The following ZNF875 variants were observed in gnomAD, a reference collection of about 807,000 sequenced individuals.
ZNF875 encodes zinc finger protein 875.
In ZNF875, 14 loss-of-function variants were observed where a neutral mutation model predicts 11.2. That is an observed-to-expected ratio of 1.26 (90% CI 0.83 to 1.96). The LOEUF (loss-of-function observed/expected upper bound fraction) is 1.96. Ranked by LOEUF, ZNF875 falls within the 30% of genes most tolerant of loss-of-function variation. The pLI is 0.00. For missense variants in ZNF875, 752 were observed against 760.4 expected, an observed-to-expected ratio of 0.99 and a Z score of 0.13; for synonymous variants, 301 against 281.1, an observed-to-expected ratio of 1.07 and a Z score of -0.71.
intron 1 of ZNF875, among the ~76,000 whole-genome samples, chr19:37,319,601 C>T (rs1599849166): frequency 1.3e-5 from 2 of 151,950 alleles, no homozygotes; most frequent in East Asian, 1.9e-4. Flanking sequence ...TAAAATTAAG[C>T]TATGTTTTTG....
chr19:37,330,841 C>T (rs2033258345), upstream of ZNF875, among the ~76,000 whole-genome samples: 1 of 152,102 alleles, frequency 6.6e-6, no homozygotes, highest in African/African-American at 2.4e-5. Flanking sequence ...CTTTTGTGAT[C>T]ATTGTTACTT....
chr19:37,350,277 CT>C (rs2146348645), intron 4 of ZNF875, among the ~76,000 whole-genome samples: 1 of 151,544 alleles, frequency 6.6e-6, no homozygotes, highest in South Asian at 2.1e-4. Context: ...GCCCGGCTAA[CT>C]TTTTTGTATT....
At chr19:37,338,435 C>G (rs918939056) in intron 2 of ZNF875, among the ~76,000 whole-genome samples, 2 of 152,134 alleles carry the variant, frequency 1.3e-5, no homozygotes, top group Non-Finnish European at 2.9e-5. Context: ...TTTGTGTGTA[C>G]TTTCTTCACC....
intron 2 of ZNF875, among the ~76,000 whole-genome samples, chr19:37,341,061 G>C (rs997009944): frequency 6.6e-6 from 1 of 152,134 alleles, no homozygotes; most frequent in African/African-American, 2.4e-5. Context: ...ATGAATTCAT[G>C]CCCAGGAGTG....
At chr19:37,359,262 C>G (rs946016515) in intron 4 of ZNF875, among the ~76,000 whole-genome samples, 2 of 152,170 alleles carry the variant, frequency 1.3e-5, no homozygotes, top group Non-Finnish European at 2.9e-5. Flanking sequence ...CACCTCTATT[C>G]AACATTTCTG....
intron 1 of ZNF875, among the ~76,000 whole-genome samples, chr19:37,320,143 G>A (rs2031111439): frequency 6.6e-6 from 1 of 152,156 alleles, no homozygotes; most frequent in Non-Finnish European, 1.5e-5. Context: ...CCAAAGTGCT[G>A]GGATTACAAG....
At chr19:37,351,082 G>A (rs1009185854) in intron 4 of ZNF875, among the ~76,000 whole-genome samples, 2 of 152,004 alleles carry the variant, frequency 1.3e-5, no homozygotes, top group Non-Finnish European at 2.9e-5. Context: ...GGGATTACAG[G>A]CGTGAACCAC....
At chr19:37,340,774 G>A (rs1229941835) in intron 2 of ZNF875, among the ~76,000 whole-genome samples, 1 of 147,968 alleles carries the variant, frequency 6.8e-6, no homozygotes, top group African/African-American at 2.5e-5. Flanking sequence ...TCAGCCTCCC[G>A]AGTAGCTGGG....
upstream of ZNF875, chr19:37,315,304 T>A (rs2030134260): frequency 6.6e-6 from 1 of 152,222 alleles, no homozygotes; most frequent in Non-Finnish European, 1.5e-5. Flanking sequence ...TGATTTCAAA[T>A]AGAGGAAAAA....
chr19:37,329,317 T>G (rs2033022293), intron 4 of ZNF875, among the ~76,000 whole-genome samples: 1 of 152,188 alleles, frequency 6.6e-6, no homozygotes, highest in Non-Finnish European at 1.5e-5. Flanking sequence ...TCCATGTTTT[T>G]GACATTCTGG....
In ZNF875 at chr19:37,362,699, G is replaced by C. The variant is rs554059074; in HGVS notation, c.847G>C (p.Val283Leu). The change falls in exon 5 of 5, where the codon GTG (valine) becomes CTG (leucine). Residue 283 changes from valine to leucine, a missense_variant. Coordinates refer to ENST00000392153, the MANE Select transcript of ZNF875 (RefSeq NM_001353803.2). ...PRTHSGGKPY[V>L]CRECGRGFTW... ...GACACACTCTGGGGGAAAGCCTTATGTGTGCAGGGAATGTGGGCGAGGCTT... is the reference window on the plus strand; with the variant it reads ...GACACACTCTGGGGGAAAGCCTTATCTGTGCAGGGAATGTGGGCGAGGCTT... The C allele has an allele frequency of 6.2e-7, 1 of 1,613,568 alleles. No individual in the cohort carries two copies. The highest frequency in any genetic ancestry group is 1.7e-5 in the Admixed American group (1 of 59,978).
chr19:37,350,410 A>G (rs558839362), intron 4 of ZNF875, among the ~76,000 whole-genome samples: 2 of 152,162 alleles, frequency 1.3e-5, no homozygotes, highest in African/African-American at 2.4e-5. Context: ...CTATTTAAAC[A>G]AACTGTGAAA....
intron 4 of ZNF875, chr19:37,328,545 C>T (rs1328967371): frequency 6.6e-6 from 1 of 152,206 alleles, no homozygotes; most frequent in African/African-American, 2.4e-5. Context: ...CTCCCTCTCA[C>T]ATGTGGTCAC....
intron 2 of ZNF875, among the ~76,000 whole-genome samples, chr19:37,336,539 TCCAC>T (rs1200287547): frequency 6.7e-6 from 1 of 150,366 alleles, no homozygotes. Flanking sequence ...GACCTCATGA[TCCAC>T]CCACCTCGGC....
At position 37,347,270 on chromosome 19, in the gene ZNF875, G is replaced by A. The variant is rs1361822332; in HGVS notation, c.114G>A (p.Leu38=). 4 of 1,614,094 alleles carry A rather than the reference G, an allele frequency of 2.5e-6. No individual in the cohort carries two copies. The highest frequency in any genetic ancestry group is 3.4e-6 in the Non-Finnish European group (4 of 1,179,962). ...TGTTGAGCCCTGCTCAGAGGACCCT[G>A]CACAGGGAGGTGATGCTGGAGACTT... ...WRLLSPAQRT[L]HREVMLETYN... The change falls in exon 3 of 5, where the codon CTG becomes CTA. Residue 38 remains leucine (L), a synonymous_variant. Transcript: ENST00000392153.
chr19:37,353,242 A>G (rs2038264835), intron 4 of ZNF875, among the ~76,000 whole-genome samples: 1 of 152,156 alleles, frequency 6.6e-6, no homozygotes, highest in South Asian at 2.1e-4. Flanking sequence ...TGTGTTCATG[A>G]CTTTTCCAGG....
chr19:37,331,186 CAAA>C (rs71177440), upstream of ZNF875, among the ~76,000 whole-genome samples: 10 of 74,778 alleles, frequency 1.3e-4, no homozygotes, highest in African/African-American at 3.3e-4. Context: ...GACTCTGTCT[CAAA>C]AAAAAAAAAA....
At position 37,363,830 on chromosome 19, in the gene ZNF875, A is replaced by C. The variant is rs750646776; in HGVS notation, c.*55A>C. On this transcript the variant is annotated 3_prime_UTR_variant, in exon 5 of 5. Transcript: ENST00000392153. ...AGCCTTTAGCCAGGAGTCATACTTC[A>C]TCAGACACCAGAGGACACACACAGT... The C allele has an allele frequency of 2.0e-5, 29 of 1,449,084 alleles. No individual in the cohort carries two copies. Among genetic ancestry groups the C allele is most frequent in the Non-Finnish European group, 2.7e-5 (28 of 1,039,688 alleles). The allele number at this position is 1,449,084 out of a possible 1,614,324, so 89.8% of individuals were successfully genotyped here.
chr19:37,321,036 A>G (rs2031317761), intron 1 of ZNF875, among the ~76,000 whole-genome samples: 1 of 152,172 alleles, frequency 6.6e-6, no homozygotes, highest in Non-Finnish European at 1.5e-5. Flanking sequence ...GTTAAAAGTC[A>G]TCACCACTCC....
Sources: allele counts gnomAD v4.1 joint callset (sites outside exome capture counted in the v4.1 genomes callset), GRCh38; gene constraint gnomAD v4.1.1; transcripts MANE v1.5; gene names NCBI Gene and HGNC (gene_info 2026-07-23, HGNC 2026-07-21).